The following TCN1 variants were observed in gnomAD, a reference collection of about 807,000 sequenced individuals.
The protein encoded by TCN1 is transcobalamin 1.
A neutral mutation model predicts 46.3 loss-of-function variants in TCN1; 47 were observed. The observed-to-expected ratio is 1.01, with a 90% CI of 0.80 to 1.29. The LOEUF is 1.29. Ranked by LOEUF, TCN1 falls within the 50% of genes most tolerant of loss-of-function variation. The probability of loss-of-function intolerance (pLI) is 0.00; values close to 1 mark genes in which losing one functional copy is unlikely to be tolerated. For missense variants in TCN1, 532 were observed against 511.0 expected, an observed-to-expected ratio of 1.04 and a Z score of -0.40; for synonymous variants, 183 against 192.5, an observed-to-expected ratio of 0.95 and a Z score of 0.41.
intron 5 of TCN1, among the ~76,000 whole-genome samples, chr11:59,858,766 C>T (rs1456704689): frequency 6.6e-6 from 1 of 152,100 alleles, no homozygotes; most frequent in Non-Finnish European, 1.5e-5. Context: ...GTCAGGAGTT[C>T]GAGACCGGCC....
chr11:59,853,424 A>G (rs1227032533), intron 7 of TCN1, 103 bp from the exon 8 acceptor site: 3 of 1,069,312 alleles, frequency 2.8e-6, no homozygotes, highest in Non-Finnish European at 4.4e-6. Flanking sequence ...ACTTGATGAC[A>G]TTATAAAAAT....
chr11:59,852,929 C>T lies in TCN1; in HGVS notation c.*46G>A, dbSNP rs772467315. 1 of 1,563,882 alleles carries T rather than the reference C, an allele frequency of 6.4e-7. No homozygotes were observed. Among genetic ancestry groups the T allele is most frequent in the South Asian group, 1.1e-5 (1 of 90,042 alleles). On this transcript the variant is annotated 3_prime_UTR_variant, in exon 9 of 9. Coordinates refer to ENST00000257264, the MANE Select transcript of TCN1 (RefSeq NM_001062.4). ...AGGCATAAGGACAATAAACATGGAA[C>T]TCCACTGCAAATGGATTTTATGCAG...
chr11:59,863,123 A>C (rs1368561934), intron 2 of TCN1, among the ~76,000 whole-genome samples: 2 of 152,214 alleles, frequency 1.3e-5, no homozygotes, highest in Non-Finnish European at 2.9e-5. Flanking sequence ...TTGTGGGACC[A>C]CCGTCATATA....
rs767899437 is a variant in TCN1 at position 59,861,673 on chromosome 11, T to C, written c.410A>G (p.Asn137Ser). ...GTAGTAGTTAGTCAGGGGAGTGCCA[T>C]TGTGTGCTTCTAGAAAAGAGAAGAA... The part of the protein sequence containing the change: ...QAEIENMEAH[N>S]GTPLTNYYQL... The change falls in exon 4 of 9, where the codon AAT (asparagine) becomes AGT (serine). Residue 137 changes from asparagine (N) to serine (S), a missense_variant. By Grantham distance (46) the Asn-to-Ser change is conservative (BLOSUM62 1). Coordinates refer to ENST00000257264, the MANE Select transcript of TCN1 (RefSeq NM_001062.4). The C allele has an allele frequency of 2.2e-5, 35 of 1,614,088 alleles. No homozygotes were observed. Among genetic ancestry groups the C allele is most frequent in the Non-Finnish European group, 2.6e-5 (31 of 1,179,974 alleles).
intron 3 of TCN1, 49 bp from the exon 4 acceptor site, chr11:59,861,731 G>A (rs368569980): frequency 2.9e-5 from 46 of 1,585,350 alleles, no homozygotes; most frequent in South Asian, 2.5e-4. Context: ...TGGTAATGGC[G>A]TATGCATTTT....
In TCN1 at chr11:59,862,719, G is replaced by C. The variant is rs1590867448; in HGVS notation, c.263C>G (p.Ser88Ter). The change falls in exon 3 of 9, where the codon TCA (serine) becomes TGA (stop). Residue 88 changes from serine to a stop codon, truncating the protein, a stop_gained. Transcript: ENST00000257264. LOFTEE classifies it high-confidence loss of function. The stretch of plus-strand genomic sequence containing the variant: ...GGCAAGCTCTCCCGAGCTTACATCT[G>C]ACACTGAAAAGAAAAGTATTCAAGC... ...QIKYNVKSRL[S>*]DVSSGELALI... 2 of 1,613,408 alleles carry C rather than the reference G, an allele frequency of 1.2e-6. No homozygotes were observed.
Position 59,862,766 on chromosome 11 carries a change from AT to A in TCN1, c.260-45del, listed in dbSNP as rs778794941. ...AAGCTTAATAAGGTACAGGCTTGTGATTTTTTGGGCCTCCTGATTTCCTTGA... is the reference window on the plus strand; with the variant it reads ...AAGCTTAATAAGGTACAGGCTTGTGATTTTTGGGCCTCCTGATTTCCTTGA... On this transcript the variant is annotated intron_variant, in intron 2 of 8. Transcript: ENST00000257264. 3.1e-6 allele frequency: 5 copies of A among 1,609,662 alleles called. No homozygotes were observed. In the African/African-American group the frequency reaches 4.0e-5, roughly 13 times the overall value.
chr11:59,854,317 G>A (rs1156974110), intron 7 of TCN1, among the ~76,000 whole-genome samples: 1 of 151,250 alleles, frequency 6.6e-6, no homozygotes, highest in Admixed American at 6.6e-5. Flanking sequence ...ATTTTCAAAG[G>A]GGTCCGTGAT....
intron 1 of TCN1, 150 bp from the exon 2 acceptor site, chr11:59,864,236 G>T (rs1590868010): frequency 3.3e-6 from 3 of 900,034 alleles, no homozygotes; most frequent in Non-Finnish European, 5.2e-6. Context: ...ATAATACAAA[G>T]GTGGGTCTTG....
intron 6 of TCN1, 121 bp downstream of exon 6, chr11:59,855,746 CTG>C: frequency 9.2e-7 from 1 of 1,087,828 alleles, no homozygotes; most frequent in South Asian, 1.3e-5. Context: ...TGAATTCTCT[CTG>C]GCAACTGTTA....
chr11:59,861,413 G>T, intron 4 of TCN1, 114 bp downstream of exon 4: 2 of 1,198,388 alleles, frequency 1.7e-6, no homozygotes, highest in South Asian at 1.2e-5. Context: ...GAGGGGACTA[G>T]AGCAAAGAGG....
intron 6 of TCN1, among the ~76,000 whole-genome samples, chr11:59,855,263 A>C (rs947172399): frequency 1.3e-5 from 2 of 152,206 alleles, no homozygotes; most frequent in African/African-American, 4.8e-5. Flanking sequence ...ATCTTTACAA[A>C]AACCTATGTT....
chr11:59,860,283 C>CCA lies in TCN1; in HGVS notation c.557-1018_557-1017dup, dbSNP rs752675470. Among the ~76,000 whole-genome samples the CCA allele has an allele frequency of 1.4e-4, 22 of 152,188 alleles. No homozygotes were observed. In the South Asian group the frequency reaches 4.6e-3, roughly 32 times the overall value. Reference sequence around the variant, plus strand: ...TAGCTGGGATTACAGGAGTGAGCCACCACGCCCAGCTAATTTTGTATTTTT... The same window carrying CCA: ...TAGCTGGGATTACAGGAGTGAGCCACCACACGCCCAGCTAATTTTGTATTTTT... On this transcript the variant is annotated intron_variant, in intron 4 of 8. Transcript: ENST00000257264.
At chr11:59,864,554 G>C (rs141930462) in intron 1 of TCN1, among the ~76,000 whole-genome samples, 81 of 152,174 alleles carry the variant, frequency 5.3e-4, no homozygotes, top group African/African-American at 1.9e-3. Context: ...AGAAAATGCA[G>C]GTAATAATTC....
intron 4 of TCN1, among the ~76,000 whole-genome samples, chr11:59,859,931 G>T (rs1852999013): frequency 6.6e-6 from 1 of 152,192 alleles, no homozygotes; most frequent in Non-Finnish European, 1.5e-5. Flanking sequence ...AGGCCATGGA[G>T]CCCAGCTGAG....
intron 1 of TCN1, 151 bp downstream of exon 1, chr11:59,866,241 A>C (rs1853072790): frequency 1.3e-6 from 1 of 768,294 alleles, no homozygotes; most frequent in Admixed American, 2.0e-5. Flanking sequence ...TTTCCTCACC[A>C]TCTCCTGCCA....
rs772801385 is a variant in TCN1, at chr11:59,859,093, G to C, written c.731C>G (p.Thr244Arg). 6.2e-7 allele frequency: 1 copy of C among 1,613,220 alleles called. No homozygotes were observed. Among genetic ancestry groups the C allele is most frequent in the Non-Finnish European group, 8.5e-7 (1 of 1,179,998 alleles). The change falls in exon 5 of 9, where the codon ACA (threonine) becomes AGA (arginine). Residue 244 changes from threonine to arginine, a missense_variant. By Grantham distance (71) the Thr-to-Arg change is moderately conservative. Transcript: ENST00000257264. Reference protein sequence around the residue: ...ENGLIGNTFSTGEAMQALFVS... With the variant: ...ENGLIGNTFSRGEAMQALFVS... ...CTGACTTACCTGCATGGCTTCTCCT[G>C]TGCTAAATGTGTTTCCAATGAGACC... is the stretch of plus-strand genomic sequence containing the variant.
At chr11:59,860,586 G>A (rs1240862750) in intron 4 of TCN1, among the ~76,000 whole-genome samples, 3 of 152,124 alleles carry the variant, frequency 2.0e-5, no homozygotes. Flanking sequence ...TTTTAGCCAT[G>A]TTGGCTGAGG....
chr11:59,854,968 A>G (rs776828145), intron 6 of TCN1, 133 bp from the exon 7 acceptor site: 1 of 981,676 alleles, frequency 1.0e-6, no homozygotes, highest in East Asian at 2.6e-5. Flanking sequence ...AGGAGCAATT[A>G]TCATCACTCA....
Sources: allele counts gnomAD v4.1 joint callset (sites outside exome capture counted in the v4.1 genomes callset), GRCh38; gene constraint gnomAD v4.1.1; transcripts MANE v1.5; gene names NCBI Gene and HGNC (gene_info 2026-07-23, HGNC 2026-07-21).